GRIK2: variants seen among roughly 807,000 people sequenced by gnomAD.
GRIK2 encodes the protein glutamate ionotropic receptor kainate type subunit 2.
In GRIK2, 32 loss-of-function variants were observed where a neutral mutation model predicts 100.3. The ratio of observed to expected loss-of-function variants is 0.32; its 90% CI spans 0.24 to 0.43. The LOEUF (loss-of-function observed/expected upper bound fraction) is 0.43. GRIK2 is among the 20% of genes least tolerant of loss of function. The pLI, the probability that GRIK2 is intolerant of heterozygous loss-of-function variation, is 1.00. For missense variants in GRIK2, 843 were observed against 1,114.9 expected, an observed-to-expected ratio of 0.76 and a Z score of 3.47; for synonymous variants, 417 against 389.4, an observed-to-expected ratio of 1.07 and a Z score of -0.83.
intron 14 of GRIK2, among the ~76,000 whole-genome samples, chr6:101,966,270 G>T (rs1792668823): frequency 6.6e-6 from 1 of 152,220 alleles, no homozygotes; most frequent in Non-Finnish European, 1.5e-5. Flanking sequence ...ATGCAAATAT[G>T]TCAACAGATA....
chr6:101,575,035 A>G (rs1288171079), intron 2 of GRIK2, among the ~76,000 whole-genome samples: 1 of 151,770 alleles, frequency 6.6e-6, no homozygotes, highest in Non-Finnish European at 1.5e-5. Flanking sequence ...TAATATTGTC[A>G]TATGATTTAA....
chr6:101,468,861 C>T (rs1771800151), intron 2 of GRIK2, among the ~76,000 whole-genome samples: 2 of 152,244 alleles, frequency 1.3e-5, no homozygotes, highest in African/African-American at 4.8e-5. Flanking sequence ...TTCCTATGTA[C>T]TCCTTCCTTC....
chr6:101,843,603 C>T (rs1783639798), intron 10 of GRIK2, among the ~76,000 whole-genome samples: 7 of 152,096 alleles, frequency 4.6e-5, no homozygotes. Flanking sequence ...AAGCAGAGTC[C>T]TTTGAAACGT....
At chr6:101,843,355 A>G (rs552536847) in intron 10 of GRIK2, among the ~76,000 whole-genome samples, 4 of 152,110 alleles carry the variant, frequency 2.6e-5, no homozygotes, top group Non-Finnish European at 4.4e-5. Flanking sequence ...CTTGCTCCAC[A>G]CTTTTCTTCA....
intron 2 of GRIK2, among the ~76,000 whole-genome samples, chr6:101,554,837 T>C (rs904466206): frequency 2.1e-5 from 3 of 145,262 alleles, no homozygotes; most frequent in African/African-American, 8.1e-5. Context: ...TGTTATTAAA[T>C]AAACTGATTT....
At chr6:101,923,865 G>C (rs1056536729) in intron 12 of GRIK2, among the ~76,000 whole-genome samples, 1 of 147,744 alleles carries the variant, frequency 6.8e-6, no homozygotes, top group African/African-American at 2.5e-5. Flanking sequence ...AGGTTGCAGT[G>C]AGCCGAGATT....
At chr6:101,699,193 G>T (rs1772703790) in intron 7 of GRIK2, among the ~76,000 whole-genome samples, 1 of 152,112 alleles carries the variant, frequency 6.6e-6, no homozygotes, top group Non-Finnish European at 1.5e-5. Flanking sequence ...TGGTATTTCT[G>T]CTGAAAATAT....
chr6:101,608,588 A>G (rs994181713), intron 2 of GRIK2, among the ~76,000 whole-genome samples: 2 of 151,920 alleles, frequency 1.3e-5, no homozygotes, highest in Non-Finnish European at 2.9e-5. Context: ...CTTATTGAGC[A>G]CCTACTGTGT....
intron 5 of GRIK2, among the ~76,000 whole-genome samples, chr6:101,677,175 T>C (rs540245460): frequency 6.6e-6 from 1 of 152,212 alleles, no homozygotes; most frequent in Non-Finnish European, 1.5e-5. Flanking sequence ...AAAGATGTAA[T>C]AGATTTACCA....
intron 2 of GRIK2, among the ~76,000 whole-genome samples, chr6:101,522,579 T>C (rs776359076): frequency 1.3e-5 from 2 of 152,264 alleles, no homozygotes; most frequent in East Asian, 1.9e-4. Context: ...ACTTTTAAAG[T>C]ACTTATTTCT....
chr6:101,839,415 C>G (rs987502145), intron 10 of GRIK2, among the ~76,000 whole-genome samples: 1 of 152,158 alleles, frequency 6.6e-6, no homozygotes, highest in African/African-American at 2.4e-5. Flanking sequence ...TAGTCTACCA[C>G]TGATGTAGCA....
At chr6:101,574,352 TTATA>T (rs997781756) in intron 2 of GRIK2, among the ~76,000 whole-genome samples, 3 of 147,526 alleles carry the variant, frequency 2.0e-5, no homozygotes, top group Non-Finnish European at 4.5e-5. Flanking sequence ...AAATATATAA[TTATA>T]TATACTTATA....
intron 2 of GRIK2, among the ~76,000 whole-genome samples, chr6:101,406,808 A>G (rs1775620233): frequency 6.6e-6 from 1 of 152,144 alleles, no homozygotes. Flanking sequence ...ATTAATCCAA[A>G]TCTTTTAGCA....
chr6:101,938,456 C>CA (rs1056064495), intron 14 of GRIK2, among the ~76,000 whole-genome samples: 8 of 152,034 alleles, frequency 5.3e-5, no homozygotes, highest in Admixed American at 3.9e-4. Context: ...ATAAATTCCT[C>CA]AAAAATACTG....
intron 4 of GRIK2, among the ~76,000 whole-genome samples, chr6:101,662,501 G>A (rs962672754): frequency 6.6e-6 from 1 of 152,096 alleles, no homozygotes; most frequent in Non-Finnish European, 1.5e-5. Context: ...CTTGGAAAGT[G>A]CAGTCTAACA....
chr6:101,566,746 C>A (rs1357056996), intron 2 of GRIK2, among the ~76,000 whole-genome samples: 2 of 149,876 alleles, frequency 1.3e-5, no homozygotes, highest in South Asian at 2.1e-4. Flanking sequence ...TTTTTTTATT[C>A]TCTATATAAA....
intron 2 of GRIK2, among the ~76,000 whole-genome samples, chr6:101,607,330 T>C (rs1779482856): frequency 1.3e-5 from 2 of 152,006 alleles, no homozygotes; most frequent in South Asian, 4.1e-4. Context: ...TATATAAACA[T>C]GTACACTGTA....
chr6:101,498,405 A>G (rs1323895930), intron 2 of GRIK2, among the ~76,000 whole-genome samples: 2 of 152,026 alleles, frequency 1.3e-5, no homozygotes, highest in Non-Finnish European at 2.9e-5. Flanking sequence ...GCTGGGTCAA[A>G]TGGTATTTCT....
At chr6:101,658,699 CTT>C in intron 4 of GRIK2, among the ~76,000 whole-genome samples, 1 of 152,304 alleles carries the variant, frequency 6.6e-6, no homozygotes, top group South Asian at 2.1e-4. Context: ...CATTTCCTGA[CTT>C]TTTAATGATC....
Sources: allele counts gnomAD v4.1 joint callset (sites outside exome capture counted in the v4.1 genomes callset), GRCh38; gene constraint gnomAD v4.1.1; transcripts MANE v1.5; gene names NCBI Gene and HGNC (gene_info 2026-07-23, HGNC 2026-07-21).